MUC7: variants seen among roughly 807,000 people sequenced by gnomAD.
MUC7 encodes the protein mucin-7.
MUC7 carries 2 observed loss-of-function variants against 2.5 expected under a neutral mutation model. The ratio of observed to expected loss-of-function variants is 0.81; its 90% confidence interval spans 0.33 to 2.55. MUC7 has a LOEUF of 2.55. MUC7 is among the 30% of genes most tolerant of loss of function. The pLI, the probability that MUC7 is intolerant of heterozygous loss-of-function variation, is 0.11. For missense variants in MUC7, 408 were observed against 455.6 expected, an observed-to-expected ratio of 0.90 and a Z score of 0.95; for synonymous variants, 133 against 173.4, an observed-to-expected ratio of 0.77 and a Z score of 1.83.
At chr4:70,448,920 T>C (rs1331315619) in intron 1 of MUC7, among the ~76,000 whole-genome samples, 2 of 152,204 alleles carry the variant, frequency 1.3e-5, no homozygotes, top group Admixed American at 6.5e-5. Flanking sequence ...TAGATTTAAG[T>C]CTTTAATCCA....
intron 1 of MUC7, among the ~76,000 whole-genome samples, chr4:70,435,416 T>C (rs1577896381): frequency 6.6e-6 from 1 of 152,342 alleles, no homozygotes; most frequent in East Asian, 1.9e-4. Context: ...TTTAGTACAG[T>C]TAGCTCTTCT....
intron 1 of MUC7, among the ~76,000 whole-genome samples, chr4:70,460,312 G>A (rs1734524155): frequency 6.6e-6 from 1 of 152,134 alleles, no homozygotes; most frequent in Admixed American, 6.5e-5. Flanking sequence ...CACAATGCTG[G>A]TAATATCATC....
At chr4:70,468,970 C>T (rs1481940809), upstream of MUC7, among the ~76,000 whole-genome samples, 1 of 152,072 alleles carries the variant, frequency 6.6e-6, no homozygotes, top group Admixed American at 6.6e-5. Context: ...GCAAAAAGAA[C>T]AAAACTGGAG....
chr4:70,456,357 A>G (rs561598458), intron 1 of MUC7, among the ~76,000 whole-genome samples: 31 of 152,356 alleles, frequency 2.0e-4, no homozygotes, highest in Admixed American at 1.4e-3. Flanking sequence ...TGGAAAAAGG[A>G]CACAAGTATT....
chr4:70,460,282 A>G (rs1734523599), intron 1 of MUC7, among the ~76,000 whole-genome samples: 1 of 152,196 alleles, frequency 6.6e-6, no homozygotes, highest in African/African-American at 2.4e-5. Flanking sequence ...CAAAGCTCAG[A>G]ATGGTGAAAG....
At chr4:70,462,305 T>A (rs1734575917) in intron 1 of MUC7, among the ~76,000 whole-genome samples, 1 of 152,212 alleles carries the variant, frequency 6.6e-6, no homozygotes, top group African/African-American at 2.4e-5. Flanking sequence ...ATTATTTTAC[T>A]GGAAAGCACA....
intron 1 of MUC7, among the ~76,000 whole-genome samples, chr4:70,454,148 G>T (rs1734358802): frequency 6.6e-6 from 1 of 152,076 alleles, no homozygotes; most frequent in Admixed American, 6.6e-5. Flanking sequence ...AGCCACCCTG[G>T]CTGGTCTCTC....
At chr4:70,478,425 A>AT (rs1419589024) in intron 2 of MUC7, among the ~76,000 whole-genome samples, 1 of 152,234 alleles carries the variant, frequency 6.6e-6, no homozygotes, top group Non-Finnish European at 1.5e-5. Flanking sequence ...AATGAACCAC[A>AT]TAACTATTTC....
chr4:70,469,060 T>C (rs915859382), upstream of MUC7, among the ~76,000 whole-genome samples: 30 of 152,090 alleles, frequency 2.0e-4, no homozygotes, highest in East Asian at 5.0e-3. Context: ...AAAACAGATA[T>C]ATAGACCAAT....
At chr4:70,437,765 T>C (rs186344760) in intron 1 of MUC7, among the ~76,000 whole-genome samples, 1 of 152,124 alleles carries the variant, frequency 6.6e-6, no homozygotes, top group Admixed American at 6.5e-5. Context: ...ATGGACCAAG[T>C]ACCTCAGTTG....
At chr4:70,457,276 G>A (rs1018617196) in intron 1 of MUC7, among the ~76,000 whole-genome samples, 11 of 152,032 alleles carry the variant, frequency 7.2e-5, no homozygotes, top group African/African-American at 1.9e-4. Flanking sequence ...GACACCCATC[G>A]CTACATACAA....
intron 1 of MUC7, among the ~76,000 whole-genome samples, chr4:70,454,596 G>A (rs1207632979): frequency 6.6e-6 from 1 of 152,186 alleles, no homozygotes; most frequent in Non-Finnish European, 1.5e-5. Flanking sequence ...CTCTTTCAGT[G>A]ATATGAAGTT....
Position 70,481,596 on chromosome 4 carries a change from A to C in MUC7, c.852A>C (p.Pro284=), listed in dbSNP as rs768661897. The C allele has an allele frequency of 2.5e-6, 4 of 1,611,398 alleles. No homozygotes were observed. Among genetic ancestry groups the C allele is most frequent in the Non-Finnish European group, 3.4e-6 (4 of 1,179,172 alleles). ...CTCCACCAGAGACCACAGCTGCCCCACCCACACCTTCTGCAACTACACCAG... is the reference window on the plus strand; with the variant it reads ...CTCCACCAGAGACCACAGCTGCCCCCCCCACACCTTCTGCAACTACACCAG... ...ASAPPETTAA[P]PTPSATTPAP... Residue 284 remains proline (P), a synonymous_variant, in exon 3 of 3, where the codon CCA becomes CCC. Transcript: ENST00000304887.
intron 2 of MUC7, among the ~76,000 whole-genome samples, chr4:70,479,281 C>T (rs1735099995): frequency 6.6e-6 from 1 of 152,348 alleles, no homozygotes; most frequent in South Asian, 2.1e-4. Flanking sequence ...CCCTCAATCA[C>T]ATGAGCCTCA....
In MUC7 at chr4:70,474,027, A is replaced by C; in HGVS notation, c.6A>C (p.Lys2Asn). 2 of 1,612,676 alleles carry C rather than the reference A, an allele frequency of 1.2e-6. No homozygotes were observed. Among genetic ancestry groups the C allele is most frequent in the Non-Finnish European group, 1.7e-6 (2 of 1,179,152 alleles). M[K>N]TLPLFVCICA... ...CCCAGGAGACATCAGAAAGAATGAA[A>C]ACTCTGCCGCTGTTTGTGTGCATCT... The change falls in exon 2 of 3, where the codon AAA becomes AAC. Residue 2 changes from lysine (K) to asparagine (N), a missense_variant. This residue lies in a region of MUC7 where 225 missense variants were observed against 240.5 expected (regional missense o/e 0.94). Coordinates refer to ENST00000304887, the MANE Select transcript of MUC7 (RefSeq NM_152291.3).
intron 1 of MUC7, among the ~76,000 whole-genome samples, chr4:70,455,814 C>T (rs1182366433): frequency 1.3e-5 from 2 of 152,108 alleles, no homozygotes; most frequent in Non-Finnish European, 2.9e-5. Context: ...AACAAAGGAG[C>T]AGTGCCTTAT....
chr4:70,431,487 T>C (rs1459314938), intron 1 of MUC7, among the ~76,000 whole-genome samples: 5 of 152,040 alleles, frequency 3.3e-5, no homozygotes, highest in African/African-American at 4.8e-5. Context: ...GTGGGTTTTT[T>C]TTGGGGGGGT....
At position 70,480,983 on chromosome 4, in the gene MUC7, AC is replaced by A. The variant is rs34918942; in HGVS notation, c.246del (p.Lys83AsnfsTer23). On this transcript the variant is annotated frameshift_variant, in exon 3 of 3. Coordinates refer to ENST00000304887, the MANE Select transcript of MUC7 (RefSeq NM_152291.3). LOFTEE classifies it low-confidence loss of function (END_TRUNC). ...CRPKLPPSPNNPPKFPNPHQP... is the reference protein window; with the variant it reads ...CRPKLPPSPNXPPKFPNPHQP... ...CCTAAGCTTCCACCTTCACCTAATAACCCCCCCAAATTCCCAAATCCTCACC... is the reference window on the plus strand; with the variant it reads ...CCTAAGCTTCCACCTTCACCTAATAACCCCCCAAATTCCCAAATCCTCACC... The A allele has an allele frequency of 1.9e-6, 3 of 1,613,474 alleles. No homozygotes were observed. The highest frequency in any genetic ancestry group is 4.5e-5 in the East Asian group (2 of 44,828).
intron 1 of MUC7, among the ~76,000 whole-genome samples, chr4:70,455,703 G>T (rs566641247): frequency 2.8e-4 from 42 of 152,074 alleles, no homozygotes; most frequent in Admixed American, 5.2e-4. Context: ...GAAAAATCAG[G>T]ATGAATATCT....
Sources: gnomAD v4.1 joint callset for allele counts (sites outside exome capture counted in the v4.1 genomes callset) on GRCh38, gnomAD v4.1.1 for gene constraint, gnomAD v4.1.1 regional missense constraint, MANE v1.5 for transcripts, NCBI Gene and HGNC (gene_info 2026-07-23, HGNC 2026-07-21) for gene names.